Variants in RASAL2 observed in about 807,000 individuals in gnomAD.
The protein encoded by RASAL2 is ras GTPase-activating protein nGAP.
A neutral mutation model predicts 128.9 loss-of-function variants in RASAL2; 58 were observed. The observed-to-expected ratio is 0.45, with a 90% CI of 0.36 to 0.56. The LOEUF (loss-of-function observed/expected upper bound fraction) is 0.56, where lower values mean the gene tolerates loss of function less well. RASAL2 is among the 20% of genes least tolerant of loss of function. The probability of loss-of-function intolerance (pLI) is 0.00; values close to 1 mark genes in which losing one functional copy is unlikely to be tolerated. For missense variants in RASAL2, 1,360 were observed against 1,601.6 expected, an observed-to-expected ratio of 0.85 and a Z score of 2.57; for synonymous variants, 561 against 580.8, an observed-to-expected ratio of 0.97 and a Z score of 0.49.
intron 3 of RASAL2, among the ~76,000 whole-genome samples, chr1:178,336,368 T>C (rs923333592): frequency 6.6e-6 from 1 of 152,072 alleles, no homozygotes; most frequent in Non-Finnish European, 1.5e-5. Flanking sequence ...AAAGACTGAT[T>C]GTACCATAAG....
At chr1:178,410,860 T>TA (rs1674322003) in intron 4 of RASAL2, among the ~76,000 whole-genome samples, 1 of 151,728 alleles carries the variant, frequency 6.6e-6, no homozygotes, top group African/African-American at 2.4e-5. Context: ...TAATTAAAAA[T>TA]AAAAAAATAA....
intron 1 of RASAL2, among the ~76,000 whole-genome samples, chr1:178,156,183 C>T (rs940605979): frequency 5.3e-5 from 8 of 152,014 alleles, no homozygotes; most frequent in African/African-American, 1.5e-4. Flanking sequence ...ATTGAGCTAC[C>T]GTATTACTCA....
chr1:178,438,546 A>G (rs1350850967), intron 5 of RASAL2, among the ~76,000 whole-genome samples: 1 of 151,966 alleles, frequency 6.6e-6, no homozygotes, highest in African/African-American at 2.4e-5. Flanking sequence ...TATTGTACTT[A>G]CGTTTGACTC....
intron 3 of RASAL2, among the ~76,000 whole-genome samples, chr1:178,352,422 G>C (rs934355214): frequency 2.0e-4 from 30 of 152,196 alleles, no homozygotes; most frequent in African/African-American, 7.2e-4. Context: ...CTACATCCAG[G>C]ACACACTGAT....
At chr1:178,142,032 A>T (rs1398454106) in intron 1 of RASAL2, among the ~76,000 whole-genome samples, 1 of 152,066 alleles carries the variant, frequency 6.6e-6, no homozygotes, top group Non-Finnish European at 1.5e-5. Context: ...AAAGGGGGTA[A>T]GAGAACAGTA....
intron 4 of RASAL2, among the ~76,000 whole-genome samples, chr1:178,399,715 C>T (rs1452077777): frequency 2.0e-5 from 3 of 152,192 alleles, no homozygotes; most frequent in Non-Finnish European, 2.9e-5. Flanking sequence ...TATAATAGTA[C>T]GTTTAATGAC....
chr1:178,353,724 G>A (rs1670644172), intron 3 of RASAL2, among the ~76,000 whole-genome samples: 1 of 152,216 alleles, frequency 6.6e-6, no homozygotes, highest in Non-Finnish European at 1.5e-5. Context: ...AATCATGATA[G>A]TGACTATACG....
chr1:178,358,237 T>TTAA (rs1176010811), intron 3 of RASAL2, among the ~76,000 whole-genome samples: 717 of 34,764 alleles, frequency 0.021, 35 homozygotes, highest in African/African-American at 0.042. Flanking sequence ...CTCTGTCTCC[T>TTAA]AAAAAAAAAA....
chr1:178,320,455 C>T (rs1386720344), intron 3 of RASAL2, among the ~76,000 whole-genome samples: 1 of 152,134 alleles, frequency 6.6e-6, no homozygotes. Context: ...ACTCCGTGGG[C>T]GTAGGACCCT....
At chr1:178,208,952 G>T (rs572796721) in intron 1 of RASAL2, among the ~76,000 whole-genome samples, 8 of 151,894 alleles carry the variant, frequency 5.3e-5, no homozygotes, top group Admixed American at 2.0e-4. Flanking sequence ...TTGGGGGCAG[G>T]TTCCTCTGAT....
chr1:178,122,244 T>G (rs936305258), intron 1 of RASAL2, among the ~76,000 whole-genome samples: 4 of 152,202 alleles, frequency 2.6e-5, no homozygotes, highest in Non-Finnish European at 2.9e-5. Flanking sequence ...AAAACATCAG[T>G]GTGCTTTATC....
intron 2 of RASAL2, among the ~76,000 whole-genome samples, chr1:178,286,818 C>T (rs908756253): frequency 1.3e-5 from 2 of 152,132 alleles, no homozygotes; most frequent in African/African-American, 4.8e-5. Context: ...TTCTGATATC[C>T]ATAGAGAGAT....
intron 3 of RASAL2, among the ~76,000 whole-genome samples, chr1:178,382,699 A>G (rs1672347819): frequency 6.6e-6 from 1 of 152,180 alleles, no homozygotes; most frequent in Non-Finnish European, 1.5e-5. Context: ...ATAATAAGGC[A>G]TAATACAAGG....
chr1:178,194,773 A>C (rs941951195), intron 1 of RASAL2: 1 of 155,436 alleles, frequency 6.4e-6, no homozygotes, highest in Non-Finnish European at 1.4e-5. Context: ...TGCAGTCACC[A>C]AGCAAAGAAA....
intron 2 of RASAL2, among the ~76,000 whole-genome samples, chr1:178,295,444 G>A (rs553453248): frequency 2.0e-5 from 3 of 149,078 alleles, no homozygotes; most frequent in Admixed American, 6.7e-5. Flanking sequence ...TTCAGCTCCC[G>A]TTTATGAGTG....
At chr1:178,104,108 G>A (rs1268467234) in intron 1 of RASAL2, among the ~76,000 whole-genome samples, 4 of 151,982 alleles carry the variant, frequency 2.6e-5, no homozygotes, top group African/African-American at 4.8e-5. Context: ...CTAGTACTTC[G>A]TTGGTTTTAT....
Position 178,308,250 on chromosome 1 carries a change from G to A in RASAL2, c.457+8132G>A, listed in dbSNP as rs546522303. Among the ~76,000 whole-genome samples the A allele has an allele frequency of 5.9e-5, 9 of 151,926 alleles. 1 individual carries two copies. The highest frequency in any genetic ancestry group is 1.3e-4 in the Non-Finnish European group (9 of 67,980). On this transcript the variant is annotated intron_variant, in intron 3 of 17. Coordinates refer to ENST00000367649, the MANE Select transcript of RASAL2 (RefSeq NM_170692.4). ...ATTCTAGCAAGCCTTAGAGAAGAGT[G>A]TATCAAAAGTCTTTTAGAGTCAAAG...
At chr1:178,116,847 T>A (rs971970271) in intron 1 of RASAL2, among the ~76,000 whole-genome samples, 3 of 152,180 alleles carry the variant, frequency 2.0e-5, no homozygotes, top group Admixed American at 2.0e-4. Flanking sequence ...CCTGACCTCG[T>A]GATCCGCCTG....
chr1:178,461,989 T>C (rs1265519851), intron 14 of RASAL2, among the ~76,000 whole-genome samples: 2 of 152,252 alleles, frequency 1.3e-5, no homozygotes, highest in Non-Finnish European at 2.9e-5. Context: ...GGAAACCCTA[T>C]ACAGCTTTAT....
Sources: allele counts gnomAD v4.1 joint callset (sites outside exome capture counted in the v4.1 genomes callset), GRCh38; gene constraint gnomAD v4.1.1; transcripts MANE v1.5; gene names NCBI Gene and HGNC (gene_info 2026-07-23, HGNC 2026-07-21).